Variants in SCP2 observed in about 807,000 individuals in gnomAD.
SCP2 encodes SCP-2/3-oxoacyl-CoA thiolase.
Under a neutral mutation model 71.4 loss-of-function variants are expected in SCP2, and 48 were observed. The observed-to-expected ratio is 0.67, with a 90% CI of 0.53 to 0.86. The LOEUF (loss-of-function observed/expected upper bound fraction) is 0.86, where lower values mean the gene tolerates loss of function less well. Ranked by LOEUF, SCP2 falls within the 40% of genes least tolerant of loss-of-function variation. SCP2 has a pLI of 0.00. For synonymous variants in SCP2, 220 were observed against 218.1 expected (o/e 1.01, Z -0.08); for missense variants, 560 against 655.6 (o/e 0.85, Z 1.59).
At chr1:52,939,328 T>A (rs950994968) in intron 1 of SCP2, among the ~76,000 whole-genome samples, 1 of 152,162 alleles carries the variant, frequency 6.6e-6, no homozygotes, top group East Asian at 1.9e-4. Flanking sequence ...GGAGGATTGC[T>A]TGAGCCCCGG....
chr1:53,030,762 C>T (rs1662481457), intron 13 of SCP2, among the ~76,000 whole-genome samples: 1 of 151,892 alleles, frequency 6.6e-6, no homozygotes, highest in Admixed American at 6.6e-5. Context: ...CATGATGGCG[C>T]AGTCCCAGAT....
chr1:52,987,004 ATATTTTT>A (rs1421985094), intron 10 of SCP2, among the ~76,000 whole-genome samples: 4,132 of 93,564 alleles, frequency 0.044, 124 homozygotes, highest in African/African-American at 0.15. Context: ...ATATATATAT[ATATTTTT>A]TTTTTTTTTT....
intron 2 of SCP2, among the ~76,000 whole-genome samples, chr1:52,943,208 T>C (rs1190635342): frequency 2.6e-5 from 4 of 151,802 alleles, no homozygotes; most frequent in Non-Finnish European, 5.9e-5. Flanking sequence ...AATGAAATGG[T>C]TCCCAACATG....
intron 2 of SCP2, 26 bp downstream of exon 2, chr1:52,941,879 A>G: frequency 6.5e-7 from 1 of 1,534,078 alleles, no homozygotes; most frequent in Non-Finnish European, 9.0e-7. Flanking sequence ...TAGATCTTTG[A>G]ACATTCATAG....
chr1:52,930,128 T>C (rs1653005691), intron 1 of SCP2, among the ~76,000 whole-genome samples: 1 of 152,218 alleles, frequency 6.6e-6, no homozygotes. Flanking sequence ...GAAATTCTGG[T>C]GACCTTATAG....
chr1:52,938,157 T>C (rs1449802380), intron 1 of SCP2, among the ~76,000 whole-genome samples: 2 of 152,198 alleles, frequency 1.3e-5, no homozygotes, highest in Admixed American at 6.5e-5. Context: ...TTTCAGCTGG[T>C]TTATTTGTCA....
At chr1:52,993,658 G>A in intron 11 of SCP2, 5 of 1,612,302 alleles carry the variant, frequency 3.1e-6, no homozygotes, top group Non-Finnish European at 4.2e-6. Flanking sequence ...ACTGCTTTGT[G>A]TAAGAATCTT....
intron 10 of SCP2, among the ~76,000 whole-genome samples, chr1:52,983,998 T>C (rs1658744164): frequency 6.6e-6 from 1 of 152,338 alleles, no homozygotes; most frequent in East Asian, 1.9e-4. Flanking sequence ...CTGAGGGTGG[T>C]GGTTAAAGTC....
chr1:53,030,916 A>G (rs1404763483), intron 13 of SCP2, among the ~76,000 whole-genome samples: 1 of 151,590 alleles, frequency 6.6e-6, no homozygotes, highest in East Asian at 1.9e-4. Context: ...ATTAAAAAAA[A>G]AAAAAAAAAA....
rs533783774 is a variant in SCP2, at chr1:52,975,878, C to T, written c.588-805C>T. ...AAGGACCCAGTCCTCCACAAGACTG[C>T]TCATACGTCAGACATTAGCTGCAAG... On this transcript the variant is annotated intron_variant, in intron 7 of 15. Coordinates refer to ENST00000371514, the MANE Select transcript of SCP2 (RefSeq NM_002979.5). 2.2e-4 allele frequency among the ~76,000 whole-genome samples: 33 copies of T among 152,290 alleles called. No individual in the cohort carries two copies. In the South Asian group the frequency reaches 6.8e-3, roughly 32 times the overall value.
chr1:52,963,270 T>G (rs1656639211), intron 6 of SCP2, among the ~76,000 whole-genome samples: 1 of 152,186 alleles, frequency 6.6e-6, no homozygotes, highest in South Asian at 2.1e-4. Context: ...TCTTCCTTAT[T>G]AGTCTATAAA....
chr1:52,941,763 G>T (rs1259252066), intron 1 of SCP2, 33 bp from the exon 2 acceptor site: 4 of 1,406,076 alleles, frequency 2.8e-6, no homozygotes, highest in Admixed American at 1.7e-5. Context: ...AACTATACTT[G>T]TTTGTATTTA....
chr1:52,984,598 C>T (rs1175010785), intron 10 of SCP2, among the ~76,000 whole-genome samples: 7 of 144,074 alleles, frequency 4.9e-5, no homozygotes, highest in East Asian at 2.1e-4. Context: ...AGTGCAGTGG[C>T]GCTATCTCAG....
intron 6 of SCP2, among the ~76,000 whole-genome samples, chr1:52,970,794 T>A (rs1657401035): frequency 6.6e-6 from 1 of 151,928 alleles, no homozygotes; most frequent in Non-Finnish European, 1.5e-5. Flanking sequence ...TGAGCAGTTG[T>A]TGGCTGGGAT....
At chr1:52,931,438 C>T (rs1473284205) in intron 1 of SCP2, among the ~76,000 whole-genome samples, 1 of 152,122 alleles carries the variant, frequency 6.6e-6, no homozygotes, top group Non-Finnish European at 1.5e-5. Context: ...GACTTTTTCT[C>T]TGGGGAAACT....
intron 11 of SCP2, chr1:52,994,283 T>G: frequency 1.0e-6 from 1 of 998,294 alleles, no homozygotes; most frequent in Non-Finnish European, 1.2e-6. Flanking sequence ...ACTTAAATCC[T>G]CCTTTCAGAC....
chr1:52,999,777 T>C (rs929842170), intron 11 of SCP2, among the ~76,000 whole-genome samples: 2 of 151,724 alleles, frequency 1.3e-5, no homozygotes, highest in African/African-American at 4.8e-5. Flanking sequence ...GTTTTCAAAG[T>C]GCTTTTACAT....
At chr1:53,016,396 T>G in intron 12 of SCP2, among the ~76,000 whole-genome samples, 1 of 152,226 alleles carries the variant, frequency 6.6e-6, no homozygotes, top group South Asian at 2.1e-4. Flanking sequence ...GTTCCTGGAG[T>G]CTCTCATATG....
chr1:52,957,318 G>A lies in SCP2; in HGVS notation c.396+2514G>A, dbSNP rs554785983. Among the ~76,000 whole-genome samples the A allele has an allele frequency of 1.3e-5, 2 of 152,190 alleles. 1 individual carries two copies. Among genetic ancestry groups the A allele is most frequent in the South Asian group, 4.2e-4 (2 of 4,808 alleles). On this transcript the variant is annotated intron_variant, in intron 5 of 15. Coordinates refer to ENST00000371514, the MANE Select transcript of SCP2 (RefSeq NM_002979.5). ...CCTGCCATTTTCCCAAATTAATACA[G>A]ACACATGTAACTAAGCATTCATATG...
Sources: gnomAD v4.1 joint callset for allele counts (sites outside exome capture counted in the v4.1 genomes callset) on GRCh38, gnomAD v4.1.1 for gene constraint, MANE v1.5 for transcripts, NCBI Gene and HGNC (gene_info 2026-07-23, HGNC 2026-07-21) for gene names.